CCDC148: variants seen among roughly 807,000 people sequenced by gnomAD.
CCDC148 encodes the protein coiled-coil domain-containing protein 148.
In CCDC148, 89 loss-of-function variants were observed where a neutral mutation model predicts 85.7. The ratio of observed to expected loss-of-function variants is 1.04; its 90% CI spans 0.87 to 1.24. CCDC148 has a LOEUF of 1.24. Ranked by LOEUF, CCDC148 falls within the 50% of genes most tolerant of loss-of-function variation. The pLI is 0.00. For missense variants in CCDC148, 692 were observed against 671.7 expected, an observed-to-expected ratio of 1.03 and a Z score of -0.33; for synonymous variants, 230 against 213.9, an observed-to-expected ratio of 1.08 and a Z score of -0.66.
chr2:158,232,255 C>G (rs1027123856), intron 10 of CCDC148, among the ~76,000 whole-genome samples: 1 of 151,972 alleles, frequency 6.6e-6, no homozygotes, highest in East Asian at 1.9e-4. Context: ...TAAAGTTAAA[C>G]CAGTAAAAGT....
At chr2:158,372,405 G>T (rs1684480246) in intron 1 of CCDC148, among the ~76,000 whole-genome samples, 1 of 151,960 alleles carries the variant, frequency 6.6e-6, no homozygotes, top group South Asian at 2.1e-4. Flanking sequence ...TTTTCCCCTT[G>T]AATGTGGGAT....
At chr2:158,240,424 T>A (rs1029801414) in intron 10 of CCDC148, among the ~76,000 whole-genome samples, 2 of 116,864 alleles carry the variant, frequency 1.7e-5, no homozygotes, top group Non-Finnish European at 3.7e-5. Flanking sequence ...TCCAGTTAGA[T>A]CACTCTCTCT....
intron 10 of CCDC148, among the ~76,000 whole-genome samples, chr2:158,246,988 A>C (rs1240525879): frequency 6.6e-6 from 1 of 152,204 alleles, no homozygotes; most frequent in Non-Finnish European, 1.5e-5. Context: ...GAAGAGAAGC[A>C]TAATTCATAA....
At chr2:158,199,976 G>A (rs1031368227) in intron 11 of CCDC148, among the ~76,000 whole-genome samples, 2 of 152,136 alleles carry the variant, frequency 1.3e-5, no homozygotes, top group African/African-American at 4.8e-5. Flanking sequence ...GCTTTGAAAA[G>A]CAGCTCAAGA....
At chr2:158,179,097 C>A in intron 11 of CCDC148, 101 bp from the exon 12 acceptor site, 1 of 673,584 alleles carries the variant, frequency 1.5e-6, no homozygotes, top group Non-Finnish European at 2.4e-6. Context: ...GAGGTAACAG[C>A]ACTGTCACAT....
chr2:158,231,020 A>G (rs138340418), intron 10 of CCDC148, among the ~76,000 whole-genome samples: 2 of 152,338 alleles, frequency 1.3e-5, no homozygotes, highest in African/African-American at 4.8e-5. Flanking sequence ...TTTTGAACAC[A>G]TAACACTTGA....
chr2:158,456,585 G>T lies in CCDC148; in HGVS notation c.-146C>A, dbSNP rs755783640. ...CCAGGGACAAACCCTACCAGGCACAGTTGGGATTGGCAGTAAGGCAAGGAA... is the reference window on the plus strand; with the variant it reads ...CCAGGGACAAACCCTACCAGGCACATTTGGGATTGGCAGTAAGGCAAGGAA... On this transcript the variant is annotated 5_prime_UTR_variant, in exon 1 of 14. In the 5' UTR this introduces an upstream ATG that the reference lacks. Coordinates refer to ENST00000283233, the MANE Select transcript of CCDC148 (RefSeq NM_138803.4). 89 of 1,016,238 alleles carry T rather than the reference G, an allele frequency of 8.8e-5. No homozygotes were observed. Among genetic ancestry groups the T allele is most frequent in the Non-Finnish European group, 1.2e-4 (86 of 704,354 alleles). The allele number at this position is 1,016,238 out of a possible 1,614,324, so 63.0% of individuals were successfully genotyped here.
At chr2:158,359,210 A>C (rs1360342253) in intron 1 of CCDC148, among the ~76,000 whole-genome samples, 1 of 152,226 alleles carries the variant, frequency 6.6e-6, no homozygotes, top group Non-Finnish European at 1.5e-5. Context: ...AGCATAAAGT[A>C]CAATAACTTG....
chr2:158,351,113 G>A (rs939034993), intron 2 of CCDC148, among the ~76,000 whole-genome samples: 1 of 152,068 alleles, frequency 6.6e-6, no homozygotes. Flanking sequence ...CAAACAGCAT[G>A]GTTTTTATTG....
rs755383954 is a variant in CCDC148 at position 158,433,074 on chromosome 2, CAAAAAA to C, written c.25+23335_25+23340del. Among the ~76,000 whole-genome samples, 98 of 74,018 alleles carry C rather than the reference CAAAAAA, an allele frequency of 1.3e-3. 3 individuals are homozygous for C. Among genetic ancestry groups the C allele is most frequent in the African/African-American group, 4.5e-3 (88 of 19,602 alleles). The allele number at this position is 74,018 out of a possible 152,430, so 48.6% of individuals were successfully genotyped here. On this transcript the variant is annotated intron_variant, in intron 1 of 13. Coordinates refer to ENST00000283233, the MANE Select transcript of CCDC148 (RefSeq NM_138803.4). ...AAAACATGGCAAAACCTCATCTCTA[CAAAAAA>C]AAAAAAAAAAAATATATATATATAT... is the stretch of plus-strand genomic sequence containing the variant.
intron 1 of CCDC148, among the ~76,000 whole-genome samples, chr2:158,403,717 CAA>C (rs779558972): frequency 1.4e-4 from 21 of 151,918 alleles, no homozygotes; most frequent in Non-Finnish European, 2.4e-4. Flanking sequence ...CAAACACATG[CAA>C]ACACGAAACA....
chr2:158,231,890 A>G (rs1224872165), intron 10 of CCDC148, among the ~76,000 whole-genome samples: 1 of 152,208 alleles, frequency 6.6e-6, no homozygotes, highest in Non-Finnish European at 1.5e-5. Flanking sequence ...CTGTTCATCC[A>G]TTAATTCATC....
intron 1 of CCDC148, among the ~76,000 whole-genome samples, chr2:158,388,603 T>C (rs1449949029): frequency 1.3e-5 from 2 of 152,134 alleles, no homozygotes; most frequent in Non-Finnish European, 2.9e-5. Context: ...CAAGCGATTC[T>C]CCTGCCCCAG....
intron 11 of CCDC148, among the ~76,000 whole-genome samples, chr2:158,215,064 G>A (rs1261230416): frequency 1.3e-5 from 2 of 152,202 alleles, no homozygotes; most frequent in South Asian, 4.1e-4. Context: ...TATCAATGTA[G>A]AACTATAAAC....
intron 10 of CCDC148, among the ~76,000 whole-genome samples, chr2:158,234,966 G>A (rs1322066892): frequency 6.6e-6 from 1 of 151,982 alleles, no homozygotes; most frequent in African/African-American, 2.4e-5. Flanking sequence ...TTACACAATG[G>A]GGCCTTCCAG....
Position 158,178,880 on chromosome 2 carries a change from T to C in CCDC148, c.1487A>G (p.Gln496Arg), listed in dbSNP as rs770048881. 6.2e-7 allele frequency: 1 copy of C among 1,607,014 alleles called. No homozygotes were observed. The highest frequency in any genetic ancestry group is 1.1e-5 in the South Asian group (1 of 89,908). Residue 496 changes from glutamine (Q) to arginine (R), a missense_variant and splice_region_variant, in exon 12 of 14, where the codon CAG (glutamine) becomes CGG (arginine). Gln to Arg is a conservative substitution (Grantham distance 43). Transcript: ENST00000283233. ...RARRLEALRK[Q>R]VAVVAQFDPV... ...TGAAAATTTCCAAATGAAAAACACC[T>C]GTTTCCTAAGGGCTTCTAGCCGCCG... is the stretch of plus-strand genomic sequence containing the variant.
chr2:158,387,784 T>C (rs1173329833), intron 1 of CCDC148, among the ~76,000 whole-genome samples: 1 of 152,108 alleles, frequency 6.6e-6, no homozygotes, highest in Admixed American at 6.6e-5. Flanking sequence ...CCATTCATGG[T>C]ACCTCTTCCA....
At chr2:158,302,498 T>A (rs1691490101) in intron 9 of CCDC148, among the ~76,000 whole-genome samples, 1 of 151,862 alleles carries the variant, frequency 6.6e-6, no homozygotes, top group African/African-American at 2.4e-5. Context: ...GAAAGACAAT[T>A]ATGAGGGCCG....
At chr2:158,341,306 C>A (rs954775850) in intron 3 of CCDC148, among the ~76,000 whole-genome samples, 1 of 97,500 alleles carries the variant, frequency 1.0e-5, no homozygotes, top group Non-Finnish European at 1.9e-5. Context: ...TGTGTACATA[C>A]ATATTTTTTT....
Sources: allele counts gnomAD v4.1 joint callset (sites outside exome capture counted in the v4.1 genomes callset), GRCh38; gene constraint gnomAD v4.1.1; transcripts MANE v1.5; gene names NCBI Gene and HGNC (gene_info 2026-07-23, HGNC 2026-07-21).